The following VAV1 variants were observed in gnomAD, a reference collection of about 807,000 sequenced individuals.
The protein encoded by VAV1 is proto-oncogene vav.
A neutral mutation model predicts 128.1 loss-of-function variants in VAV1; 33 were observed. The observed-to-expected ratio is 0.26, with a 90% confidence interval of 0.20 to 0.34. The LOEUF is 0.34. Ranked by LOEUF, VAV1 falls within the 10% of genes least tolerant of loss-of-function variation. The probability of loss-of-function intolerance (pLI) is 1.00; values close to 1 mark genes in which losing one functional copy is unlikely to be tolerated. For synonymous variants in VAV1, 394 were observed against 409.8 expected (o/e 0.96, Z 0.47); for missense variants, 715 against 1,093.7 (o/e 0.65, Z 4.88).
chr19:6,815,338 C>T (rs1248578998), intron 1 of VAV1, among the ~76,000 whole-genome samples: 1 of 152,014 alleles, frequency 6.6e-6, no homozygotes, highest in Non-Finnish European at 1.5e-5. Flanking sequence ...GACAGTGTCT[C>T]TCCGTGTTGC....
intron 23 of VAV1, among the ~76,000 whole-genome samples, chr19:6,850,008 C>T (rs1972625292): frequency 6.6e-6 from 1 of 151,968 alleles, no homozygotes; most frequent in Non-Finnish European, 1.5e-5. Flanking sequence ...CGAGAAACCT[C>T]CAAACTGCTT....
chr19:6,789,519 G>T lies in VAV1; in HGVS notation c.204+16508G>T, dbSNP rs374704157. ...ACCTGCCTTGGCCTCCCAAAGTGCTGGGATTTCAGGCATGAGCCACCGCAC... is the reference window on the plus strand; with the variant it reads ...ACCTGCCTTGGCCTCCCAAAGTGCTTGGATTTCAGGCATGAGCCACCGCAC... On this transcript the variant is annotated intron_variant, in intron 1 of 26. Transcript: ENST00000602142. Among the ~76,000 whole-genome samples, 10 of 150,842 alleles carry T rather than the reference G, an allele frequency of 6.6e-5. No homozygotes were observed. In the East Asian group the frequency reaches 1.4e-3, roughly 21 times the overall value.
chr19:6,830,012 T>G (rs188471347), intron 14 of VAV1, 94 bp downstream of exon 14: 74 of 1,570,206 alleles, frequency 4.7e-5, no homozygotes, highest in Admixed American at 4.1e-4. Flanking sequence ...AGACTACATC[T>G]ACATGGAAGT....
chr19:6,828,465 G>A lies in VAV1; in HGVS notation c.1070G>A (p.Arg357Gln). 1.2e-6 allele frequency: 2 copies of A among 1,614,178 alleles called. No individual in the cohort carries two copies. The highest frequency in any genetic ancestry group is 1.7e-6 in the Non-Finnish European group (2 of 1,180,032). ...TQEAMEKENL[R>Q]LALDAMRDLA... ...GAGGCGATGGAGAAGGAGAACCTGCGGCTGGCCCTGGATGCCATGAGGGTG... is the reference window on the plus strand; with the variant it reads ...GAGGCGATGGAGAAGGAGAACCTGCAGCTGGCCCTGGATGCCATGAGGGTG... Residue 357 changes from arginine to glutamine, a missense_variant, in exon 11 of 27, where the codon CGG becomes CAG. Transcript: ENST00000602142. This position sits in a 1 kb window ranked among gnomAD's most constrained non-coding sequence, Gnocchi z 4.5.
chr19:6,843,617 G>A (rs1038963061), intron 22 of VAV1, among the ~76,000 whole-genome samples: 2 of 152,078 alleles, frequency 1.3e-5, no homozygotes, highest in African/African-American at 4.8e-5. Context: ...CCTTGGGCCG[G>A]TTACTTAACC....
At chr19:6,825,232 G>T (rs1159971506) in intron 7 of VAV1, 71 bp from the exon 8 acceptor site, 1 of 1,579,202 alleles carries the variant, frequency 6.3e-7, no homozygotes, top group Non-Finnish European at 8.7e-7. Flanking sequence ...GGGGCGGGTG[G>T]ATGACCCTTT....
intron 1 of VAV1, among the ~76,000 whole-genome samples, chr19:6,791,997 G>C (rs1278359634): frequency 1.3e-5 from 2 of 151,300 alleles, no homozygotes; most frequent in Admixed American, 1.3e-4. Flanking sequence ...CTATGGGGAT[G>C]TGTGTGGAAC....
Position 6,826,324 on chromosome 19 carries a change from G to A in VAV1, c.828-288G>A, listed in dbSNP as rs140843047. 2.2e-3 allele frequency among the ~76,000 whole-genome samples: 331 copies of A among 152,188 alleles called. 7 individuals are homozygous for A. The East Asian group carries it at 0.052, about 24-fold the overall frequency. On this transcript the variant is annotated intron_variant, in intron 8 of 26. Coordinates refer to ENST00000602142, the MANE Select transcript of VAV1 (RefSeq NM_005428.4). This position sits in a 1 kb window ranked among gnomAD's most constrained non-coding sequence, Gnocchi z 4.1. ...CTGTACTCCAGCCTGGGAGACAAGC[G>A]TGAAACCCCGTCTCAAAAATAAATA...
At chr19:6,829,179 G>A (rs1479351987) in intron 13 of VAV1, among the ~76,000 whole-genome samples, 1 of 151,838 alleles carries the variant, frequency 6.6e-6, no homozygotes, top group Non-Finnish European at 1.5e-5. Flanking sequence ...ATGAGCAGGT[G>A]GGTGGAGTCA....
chr19:6,835,048 A>C (rs564642237), intron 19 of VAV1, among the ~76,000 whole-genome samples: 16 of 152,240 alleles, frequency 1.1e-4, no homozygotes, highest in Admixed American at 1.0e-3. Context: ...GTTTCAAAAA[A>C]ATAAAAAAAT....
chr19:6,829,700 G>GGAGGA, intron 13 of VAV1, 86 bp from the exon 14 acceptor site: 1 of 1,574,690 alleles, frequency 6.4e-7, no homozygotes, highest in Non-Finnish European at 8.7e-7. Context: ...AGGGCAGGGT[G>GGAGGA]GGACCAGGAT....
At chr19:6,810,565 C>A (rs1971492765) in intron 1 of VAV1, among the ~76,000 whole-genome samples, 1 of 151,388 alleles carries the variant, frequency 6.6e-6, no homozygotes, top group Non-Finnish European at 1.5e-5. Flanking sequence ...ATTAGCCAGG[C>A]GTGGTGGCGG....
intron 1 of VAV1, among the ~76,000 whole-genome samples, chr19:6,803,970 A>G (rs1344607187): frequency 6.6e-6 from 1 of 152,186 alleles, no homozygotes; most frequent in Non-Finnish European, 1.5e-5. Flanking sequence ...GAAAGAAGCC[A>G]GTCCCAAAAG....
intron 23 of VAV1, among the ~76,000 whole-genome samples, chr19:6,849,285 C>CTTTTTTT (rs4029439): frequency 1.5e-4 from 14 of 92,176 alleles, no homozygotes; most frequent in African/African-American, 7.1e-4. Context: ...TGTTTCCAGC[C>CTTTTTTT]TTTTTTTTTT....
chr19:6,841,421 T>A (rs929660313), intron 21 of VAV1, among the ~76,000 whole-genome samples: 11 of 152,002 alleles, frequency 7.2e-5, no homozygotes, highest in African/African-American at 2.7e-4. Flanking sequence ...CTGGGTCATA[T>A]GGTAGTGTAG....
chr19:6,830,292 C>T (rs771052840), intron 14 of VAV1, among the ~76,000 whole-genome samples: 6 of 151,966 alleles, frequency 3.9e-5, no homozygotes, highest in South Asian at 2.1e-4. Context: ...CTCTTGACCC[C>T]GTGATCCACC....
At chr19:6,793,302 C>G (rs1470248757) in intron 1 of VAV1, among the ~76,000 whole-genome samples, 1 of 151,892 alleles carries the variant, frequency 6.6e-6, no homozygotes, top group Admixed American at 6.6e-5. Context: ...CCACTGCACT[C>G]CAGCCTGGGT....
chr19:6,820,192 G>C lies in VAV1; in HGVS notation c.205-510G>C, dbSNP rs1971750202. ...AAATTAGCTGGGTGTTGCGACACAT[G>C]ACTGAAGTCCTAGCTACCTGGGAGG... On this transcript the variant is annotated intron_variant, in intron 1 of 26. Coordinates refer to ENST00000602142, the MANE Select transcript of VAV1 (RefSeq NM_005428.4). The surrounding 1 kb of genome is among the most constrained non-coding windows in gnomAD (Gnocchi z 4.4). Among the ~76,000 whole-genome samples, 1 of 152,136 alleles carries C rather than the reference G, an allele frequency of 6.6e-6. No individual in the cohort carries two copies. Among genetic ancestry groups the C allele is most frequent in the Non-Finnish European group, 1.5e-5 (1 of 68,026 alleles).
chr19:6,810,754 G>A (rs1971496410), intron 1 of VAV1, among the ~76,000 whole-genome samples: 1 of 152,016 alleles, frequency 6.6e-6, no homozygotes, highest in Non-Finnish European at 1.5e-5. Flanking sequence ...GGGGAGTGTT[G>A]AAAATCATCT....
Sources: allele counts gnomAD v4.1 joint callset (sites outside exome capture counted in the v4.1 genomes callset), GRCh38; gene constraint gnomAD v4.1.1; non-coding constraint Gnocchi (gnomAD v3.1); transcripts MANE v1.5; gene names NCBI Gene and HGNC (gene_info 2026-07-23, HGNC 2026-07-21).